RNASET2: variants seen among roughly 807,000 people sequenced by gnomAD.
The protein encoded by RNASET2 is ribonuclease T2.
Under a neutral mutation model 33.9 loss-of-function variants are expected in RNASET2, and 28 were observed. The ratio of observed to expected loss-of-function variants is 0.83; its 90% CI spans 0.61 to 1.13. RNASET2 has a LOEUF of 1.13. Among genes scored for constraint, RNASET2 ranks in the 50% most tolerant of loss-of-function variants. RNASET2 has a pLI of 0.00. For missense variants in RNASET2, 330 were observed against 319.9 expected, an observed-to-expected ratio of 1.03 and a Z score of -0.24; for synonymous variants, 123 against 121.0, an observed-to-expected ratio of 1.02 and a Z score of -0.11.
chr6:166,947,818 T>G (rs1778884145), intron 3 of RNASET2, among the ~76,000 whole-genome samples: 1 of 152,156 alleles, frequency 6.6e-6, no homozygotes, highest in South Asian at 2.1e-4. Context: ...ATGGGGCGAT[T>G]AATGTGCACA....
Position 166,929,540 on chromosome 6 carries a change from G to A in RNASET2, c.*48C>T, listed in dbSNP as rs375685341. ...GTTGTTTTTTAGAAAGCTGCAGTTT[G>A]TGAATTTCTCTTGCTTTTTAAAACA... On this transcript the variant is annotated 3_prime_UTR_variant, in exon 9 of 9. Coordinates refer to ENST00000508775, the MANE Select transcript of RNASET2 (RefSeq NM_003730.6). 1.9e-6 allele frequency: 3 copies of A among 1,584,862 alleles called. No individual in the cohort carries two copies. Among genetic ancestry groups the A allele is most frequent in the Admixed American group, 1.7e-5 (1 of 59,956 alleles).
chr6:166,929,501 G>A lies in RNASET2; in HGVS notation c.*87C>T. 1 of 1,367,576 alleles carries A rather than the reference G, an allele frequency of 7.3e-7. No homozygotes were observed. The highest frequency in any genetic ancestry group is 1.7e-5 in the Admixed American group (1 of 59,574). The allele number at this position is 1,367,576 out of a possible 1,614,324, so 84.7% of individuals were successfully genotyped here. On this transcript the variant is annotated 3_prime_UTR_variant, in exon 9 of 9. Coordinates refer to ENST00000508775, the MANE Select transcript of RNASET2 (RefSeq NM_003730.6). ...TGGAGGGGAAACAGCAAAATAAACAGACTTCACTTTGGAGTTGTTTTTTAG... is the reference window on the plus strand; with the variant it reads ...TGGAGGGGAAACAGCAAAATAAACAAACTTCACTTTGGAGTTGTTTTTTAG...
Position 166,938,927 on chromosome 6 carries a change from G to GCTT in RNASET2, c.411_413dup (p.Arg137dup). On this transcript the variant is annotated inframe_insertion, in exon 6 of 9. Coordinates refer to ENST00000508775, the MANE Select transcript of RNASET2 (RefSeq NM_003730.6). Reference sequence around the variant, plus strand: ...GGTCCAGCTCCCTGTAGAGTTCCAGGCTTCTGCCAAAGTACTTCTTCTGGG... The same window carrying GCTT: ...GGTCCAGCTCCCTGTAGAGTTCCAGGCTTCTTCTGCCAAAGTACTTCTTCTGGG... 1 of 1,613,884 alleles carries GCTT rather than the reference G, an allele frequency of 6.2e-7. No individual in the cohort carries two copies. Among genetic ancestry groups the GCTT allele is most frequent in the Non-Finnish European group, 8.5e-7 (1 of 1,179,938 alleles).
At chr6:166,943,785 T>G in intron 4 of RNASET2, 2 of 470,276 alleles carry the variant, frequency 4.3e-6, no homozygotes, top group South Asian at 1.6e-5. Context: ...GGGAGTGAAC[T>G]GTCTGTAATC....
At chr6:166,941,811 T>A (rs1200402352) in intron 5 of RNASET2, among the ~76,000 whole-genome samples, 1 of 152,244 alleles carries the variant, frequency 6.6e-6, no homozygotes, top group East Asian at 1.9e-4. Context: ...AATATTGAAG[T>A]GGGATAGAGA....
chr6:166,944,995 C>G (rs1349330624), intron 4 of RNASET2: 1 of 144,834 alleles, frequency 6.9e-6, no homozygotes, highest in African/African-American at 2.8e-5. Flanking sequence ...CAGCCCTGCC[C>G]TCACCCACCC....
In RNASET2 at chr6:166,923,060, C is replaced by T. The variant is rs1048064201; in HGVS notation, c.*6528G>A. Among the ~76,000 whole-genome samples, 33 of 152,210 alleles carry T rather than the reference C, an allele frequency of 2.2e-4. No individual in the cohort carries two copies. The highest frequency in any genetic ancestry group is 1.2e-3 in the Admixed American group (19 of 15,286). On this transcript the variant is annotated 3_prime_UTR_variant, in exon 9 of 9. Transcript: ENST00000508775. ...AAAGCACGTCAGCATAAAGTCCATA[C>T]AGCATTTAATGGATCTTAACTTTAT...
rs943460812 is a variant in RNASET2 at position 166,955,544 on chromosome 6, C to T, written c.86+553G>A. The T allele has an allele frequency of 3.3e-5, 33 of 986,878 alleles. 1 individual carries two copies. The African/African-American group carries it at 5.6e-4, about 17-fold the overall frequency. The allele number at this position is 986,878 out of a possible 1,614,324, so 61.1% of individuals were successfully genotyped here. A position where few individuals can be genotyped will look rare whatever the true frequency, so the allele number is the denominator to read the frequency against. Reference sequence around the variant, plus strand: ...TTAAGTGTCCCCTCCACGACTTCTTCGACCTCTGAGAGAACTTCGAGTGCA... The same window carrying T: ...TTAAGTGTCCCCTCCACGACTTCTTTGACCTCTGAGAGAACTTCGAGTGCA... On this transcript the variant is annotated intron_variant, in intron 1 of 8. Coordinates refer to ENST00000508775, the MANE Select transcript of RNASET2 (RefSeq NM_003730.6).
Position 166,925,615 on chromosome 6 carries a change from G to A in RNASET2, c.*3973C>T, listed in dbSNP as rs1778293589. Among the ~76,000 whole-genome samples, 1 of 152,138 alleles carries A rather than the reference G, an allele frequency of 6.6e-6. No individual in the cohort carries two copies. The highest frequency in any genetic ancestry group is 2.4e-5 in the African/African-American group (1 of 41,416). ...ATGCCACATTGTCCGCATCTACACTGTACGGCCCTCCCCTGTGCCATCCAG... is the reference window on the plus strand; with the variant it reads ...ATGCCACATTGTCCGCATCTACACTATACGGCCCTCCCCTGTGCCATCCAG... On this transcript the variant is annotated 3_prime_UTR_variant, in exon 9 of 9. Transcript: ENST00000508775.
intron 4 of RNASET2, chr6:166,945,081 C>T (rs1317521136): frequency 6.2e-6 from 1 of 160,424 alleles, no homozygotes; most frequent in Non-Finnish European, 1.4e-5. Flanking sequence ...CACCCACGTC[C>T]ACACCTGTCA....
At chr6:166,951,031 A>G (rs1778972091) in intron 2 of RNASET2, among the ~76,000 whole-genome samples, 1 of 152,098 alleles carries the variant, frequency 6.6e-6, no homozygotes, top group African/African-American at 2.4e-5. Flanking sequence ...GTGGCCCCGA[A>G]TGCCTGGCTG....
chr6:166,940,126 AC>A (rs1343802934), intron 5 of RNASET2, among the ~76,000 whole-genome samples: 1 of 152,234 alleles, frequency 6.6e-6, no homozygotes, highest in African/African-American at 2.4e-5. Context: ...ATTGACAGCC[AC>A]CTTCAGAATG....
rs376951079 is a variant in RNASET2 at position 166,924,456 on chromosome 6, C to G, written c.*5132G>C. ...ATCACTAGAGAACACTGGCTTAGAG[C>G]TGATGTGCCTCAGACACAGGTGCAC... is the stretch of plus-strand genomic sequence containing the variant. On this transcript the variant is annotated 3_prime_UTR_variant, in exon 9 of 9. Transcript: ENST00000508775. Among the ~76,000 whole-genome samples the G allele has an allele frequency of 1.3e-5, 2 of 152,214 alleles. No homozygotes were observed. Among genetic ancestry groups the G allele is most frequent in the South Asian group, 4.1e-4 (2 of 4,832 alleles).
chr6:166,923,224 C>T lies in RNASET2; in HGVS notation c.*6364G>A, dbSNP rs9457243. Among the ~76,000 whole-genome samples the T allele has an allele frequency of 0.051, 6,512 of 127,004 alleles. 166 individuals carry two copies. Among genetic ancestry groups the T allele is most frequent in the Non-Finnish European group, 0.058 (3,778 of 65,628 alleles). 83.3% of individuals were successfully genotyped at this position (127,004 alleles called of 152,430 possible). A position where few individuals can be genotyped will look rare whatever the true frequency, so the allele number is the denominator to read the frequency against. On this transcript the variant is annotated 3_prime_UTR_variant, in exon 9 of 9. Coordinates refer to ENST00000508775, the MANE Select transcript of RNASET2 (RefSeq NM_003730.6). The stretch of plus-strand genomic sequence containing the variant: ...GATTACAGGCGTGAGCCACCAGGCC[C>T]GGCCTTTTTTTTTTTTTTTTTTTTT...
chr6:166,955,193 ACACGCACG>A (rs1562506423), intron 1 of RNASET2, among the ~76,000 whole-genome samples: 13 of 117,754 alleles, frequency 1.1e-4, no homozygotes, highest in African/African-American at 3.6e-4. Context: ...ACACACGCAC[ACACGCACG>A]CACACACGCA....
At chr6:166,955,279 A>G (rs1231045016) in intron 1 of RNASET2, among the ~76,000 whole-genome samples, 11 of 76,226 alleles carry the variant, frequency 1.4e-4, no homozygotes, top group African/African-American at 8.3e-4. Context: ...ACGCGCACAC[A>G]CGACACACAC....
At chr6:166,939,143 G>A in intron 5 of RNASET2, 135 bp from the exon 6 acceptor site, 1 of 721,882 alleles carries the variant, frequency 1.4e-6, no homozygotes, top group Non-Finnish European at 2.5e-6. Context: ...AGACCAGCCT[G>A]ACCAACATGG....
At chr6:166,951,780 T>G (rs906900693) in intron 2 of RNASET2, among the ~76,000 whole-genome samples, 2 of 152,258 alleles carry the variant, frequency 1.3e-5, no homozygotes, top group Non-Finnish European at 1.5e-5. Flanking sequence ...TGTTCTCATT[T>G]TATATATTTT....
chr6:166,923,745 A>G lies in RNASET2; in HGVS notation c.*5843T>C, dbSNP rs180760068. On this transcript the variant is annotated 3_prime_UTR_variant, in exon 9 of 9. Coordinates refer to ENST00000508775, the MANE Select transcript of RNASET2 (RefSeq NM_003730.6). ...TTCTATGGGAAACGTAGCTCATCCC[A>G]TAAGCAATGCAATGGACTTCTTTTC... Among the ~76,000 whole-genome samples, 7 of 152,336 alleles carry G rather than the reference A, an allele frequency of 4.6e-5. No homozygotes were observed. Among genetic ancestry groups the G allele is most frequent in the African/African-American group, 1.7e-4 (7 of 41,588 alleles).
Sources: allele counts gnomAD v4.1 joint callset (sites outside exome capture counted in the v4.1 genomes callset), GRCh38; gene constraint gnomAD v4.1.1; transcripts MANE v1.5; gene names NCBI Gene and HGNC (gene_info 2026-07-23, HGNC 2026-07-21).